Variants in CPVL observed in about 807,000 individuals in gnomAD.
CPVL encodes carboxypeptidase vitellogenic like.
CPVL carries 51 observed loss-of-function variants against 63.7 expected under a neutral mutation model. The ratio of observed to expected loss-of-function variants is 0.80; its 90% CI spans 0.64 to 1.01. CPVL has a LOEUF of 1.01. Among genes scored for constraint, CPVL ranks in the 50% least tolerant of loss-of-function variants. The pLI, the probability that CPVL is intolerant of heterozygous loss-of-function variation, is 0.00. For missense variants in CPVL, 530 were observed against 573.1 expected, an observed-to-expected ratio of 0.92 and a Z score of 0.77; for synonymous variants, 195 against 206.0, an observed-to-expected ratio of 0.95 and a Z score of 0.46.
At chr7:29,173,247 A>G (rs1039004026) in intron 5 of CPVL, among the ~76,000 whole-genome samples, 4 of 152,076 alleles carry the variant, frequency 2.6e-5, no homozygotes, top group Admixed American at 2.6e-4. Flanking sequence ...CTAAGCAGGA[A>G]CCCAGAGGAA....
At chr7:29,159,963 C>T (rs923930667) in intron 5 of CPVL, among the ~76,000 whole-genome samples, 2 of 152,140 alleles carry the variant, frequency 1.3e-5, no homozygotes, top group African/African-American at 4.8e-5. Context: ...CATGGGTGCA[C>T]GTCATTTTCT....
At chr7:29,171,475 A>T (rs1796594530) in intron 5 of CPVL, among the ~76,000 whole-genome samples, 2 of 152,166 alleles carry the variant, frequency 1.3e-5, no homozygotes, top group African/African-American at 4.8e-5. Flanking sequence ...TAGGGTGGGG[A>T]TCCCAGACGG....
rs558879938 is a variant in CPVL, at chr7:29,068,918, C to T, written c.865-2797G>A. Among the ~76,000 whole-genome samples, 1,249 of 149,696 alleles carry T rather than the reference C, an allele frequency of 8.3e-3. 7 individuals are homozygous for T. Among genetic ancestry groups the T allele is most frequent in the Admixed American group, 0.014 (211 of 15,096 alleles). On this transcript the variant is annotated intron_variant, in intron 9 of 12. Transcript: ENST00000265394. ...CACCGTGGTCTCGATCTCCTGACCT[C>T]GTGATCCGCCCGCCTCGGCCTCCCA...
chr7:29,009,883 A>G (rs899379070), intron 12 of CPVL: 6 of 152,162 alleles, frequency 3.9e-5, no homozygotes, highest in Non-Finnish European at 7.4e-5. Context: ...AGCATGGTAA[A>G]TATTCTTTGG....
chr7:29,136,129 T>C (rs1791199935), intron 1 of CPVL, among the ~76,000 whole-genome samples: 1 of 152,210 alleles, frequency 6.6e-6, no homozygotes, highest in South Asian at 2.1e-4. Context: ...AGCAGTAAGA[T>C]AGAGGGGGAT....
intron 7 of CPVL, among the ~76,000 whole-genome samples, chr7:29,086,236 G>A (rs1243598540): frequency 1.3e-5 from 2 of 151,946 alleles, no homozygotes; most frequent in African/African-American, 4.8e-5. Context: ...AGGTTGCAGT[G>A]AGCCGAGATC....
intron 1 of CPVL, among the ~76,000 whole-genome samples, chr7:29,126,177 T>C (rs1048765338): frequency 6.6e-6 from 1 of 152,214 alleles, no homozygotes; most frequent in African/African-American, 2.4e-5. Context: ...ATCTGTGTGG[T>C]AGACAGATTA....
intron 2 of CPVL, among the ~76,000 whole-genome samples, chr7:29,117,544 G>A (rs936312213): frequency 1.3e-5 from 2 of 152,142 alleles, no homozygotes; most frequent in Non-Finnish European, 2.9e-5. Flanking sequence ...ATGGGCTCTG[G>A]GGTTGGCCAG....
At chr7:29,183,442 T>C (rs1247427691) in intron 4 of CPVL, among the ~76,000 whole-genome samples, 1 of 151,388 alleles carries the variant, frequency 6.6e-6, no homozygotes, top group Non-Finnish European at 1.5e-5. Context: ...GGTGGCATGA[T>C]CTCGGCTCAC....
chr7:29,127,455 C>T (rs767707049), intron 1 of CPVL: 5 of 152,114 alleles, frequency 3.3e-5, no homozygotes, highest in Non-Finnish European at 7.3e-5. Flanking sequence ...ATTTTATAGA[C>T]GAGATACCGA....
intron 5 of CPVL, among the ~76,000 whole-genome samples, chr7:29,094,623 G>GATC (rs1786205758): frequency 6.6e-6 from 1 of 152,100 alleles, no homozygotes; most frequent in Non-Finnish European, 1.5e-5. Flanking sequence ...AAGGCAGGTG[G>GATC]ATCACCTAAG....
At chr7:29,051,420 C>T (rs1185783606) in intron 11 of CPVL, among the ~76,000 whole-genome samples, 3 of 152,086 alleles carry the variant, frequency 2.0e-5, no homozygotes, top group African/African-American at 7.2e-5. Context: ...ACAATCCCAT[C>T]AAAAAGTGGG....
chr7:29,038,955 C>T (rs958103614), intron 11 of CPVL, among the ~76,000 whole-genome samples: 8 of 152,060 alleles, frequency 5.3e-5, no homozygotes, highest in African/African-American at 1.9e-4. Flanking sequence ...TCAACAGACA[C>T]GTTTATGGAG....
chr7:29,193,931 T>A (rs1783225186), intron 1 of CPVL: 1 of 152,278 alleles, frequency 6.6e-6, no homozygotes, highest in Non-Finnish European at 1.5e-5. Context: ...GCTGGGTTAC[T>A]TAAGTGTAGC....
intron 5 of CPVL, among the ~76,000 whole-genome samples, chr7:29,165,612 G>A (rs1189184151): frequency 1.3e-5 from 2 of 152,152 alleles, no homozygotes; most frequent in African/African-American, 2.4e-5. Context: ...GTGATAGAAT[G>A]GATATACTTG....
chr7:29,142,815 C>T (rs1792043656), intron 1 of CPVL, among the ~76,000 whole-genome samples: 1 of 152,244 alleles, frequency 6.6e-6, no homozygotes, highest in Middle Eastern at 3.4e-3. Context: ...CATGAGCCAC[C>T]ATGCCCAGCG....
intron 1 of CPVL, among the ~76,000 whole-genome samples, chr7:29,190,130 C>G (rs1351403032): frequency 6.6e-6 from 1 of 152,238 alleles, no homozygotes; most frequent in Admixed American, 6.5e-5. Flanking sequence ...AATGCGTTCT[C>G]TTTCTCAGGA....
At chr7:29,023,593 T>C (rs1303312654) in intron 12 of CPVL, among the ~76,000 whole-genome samples, 2 of 152,140 alleles carry the variant, frequency 1.3e-5, no homozygotes, top group South Asian at 4.1e-4. Context: ...TTTCCATGTA[T>C]GCCACCTGGG....
exon 1 of CPVL, chr7:29,195,157 C>A: frequency 1.7e-6 from 1 of 596,732 alleles, no homozygotes; most frequent in Non-Finnish European, 2.7e-6. Flanking sequence ...CACCTCGGTG[C>A]CCAGAGCACC....
Sources: gnomAD v4.1 joint callset for allele counts (sites outside exome capture counted in the v4.1 genomes callset) on GRCh38, gnomAD v4.1.1 for gene constraint, MANE v1.5 for transcripts, NCBI Gene and HGNC (gene_info 2026-07-23, HGNC 2026-07-21) for gene names.